Variants in SOX30 observed in about 807,000 individuals in gnomAD.
SOX30 encodes transcription factor SOX-30.
In SOX30, 17 loss-of-function variants were observed where a neutral mutation model predicts 58.6. The ratio of observed to expected loss-of-function variants is 0.29; its 90% CI spans 0.20 to 0.44. The LOEUF is 0.44. Ranked by LOEUF, SOX30 falls within the 20% of genes least tolerant of loss-of-function variation. SOX30 has a pLI of 1.00. For synonymous variants in SOX30, 421 were observed against 400.2 expected (o/e 1.05, Z -0.62); for missense variants, 951 against 965.8 (o/e 0.98, Z 0.20).
At position 157,648,709 on chromosome 5, in the gene SOX30, G is replaced by C; in HGVS notation, c.1155C>G (p.Pro385=). The C allele has an allele frequency of 6.2e-7, 1 of 1,613,662 alleles. No homozygotes were observed. The highest frequency in any genetic ancestry group is 8.5e-7 in the Non-Finnish European group (1 of 1,179,936). ...WNKLSEEQKK[P]YYDEAQKIKE... ...TAATCTTTTGTGCTTCATCGTAATA[G>C]GGTTTCTTTTGTTCTTCACTAAGTT... is the stretch of plus-strand genomic sequence containing the variant. The change falls in exon 2 of 5, where the codon CCC becomes CCG. Residue 385 remains proline, a synonymous_variant. Transcript: ENST00000265007.
upstream of SOX30, among the ~76,000 whole-genome samples, chr5:157,653,448 A>C (rs1759411174): frequency 6.6e-6 from 1 of 152,198 alleles, no homozygotes; most frequent in Non-Finnish European, 1.5e-5. Context: ...GTACTCAATA[A>C]ATACTTGTTG....
At chr5:157,653,352 TTA>T (rs10600313), upstream of SOX30, among the ~76,000 whole-genome samples, 76,984 of 151,924 alleles carry the variant, frequency 0.51, 22,771 homozygotes, top group African/African-American at 0.84. Context: ...CTCTCCCACT[TTA>T]GACTATAAAG....
chr5:157,667,518 G>T (rs1347934284), intron 2 of SOX30, among the ~76,000 whole-genome samples: 1 of 152,116 alleles, frequency 6.6e-6, no homozygotes, highest in African/African-American at 2.4e-5. Context: ...GGAATCACCT[G>T]CGGTCAGGAA....
chr5:157,669,882 C>A lies in SOX30; in HGVS notation c.-4+1448G>T, dbSNP rs1177472815. 3.9e-5 allele frequency among the ~76,000 whole-genome samples: 6 copies of A among 152,196 alleles called. No individual in the cohort carries two copies. The East Asian group carries it at 9.7e-4, about 25-fold the overall frequency. ...GGGGATGGGGGTGGTTCTGAGGCTA[C>A]TAAAGAGAAGAGCCAAAGATTGTAT... On this transcript the variant is annotated intron_variant, in intron 1 of 5. Coordinates refer to the SOX30 transcript ENST00000519442.
intron 2 of SOX30, among the ~76,000 whole-genome samples, chr5:157,648,206 A>G (rs1003775302): frequency 2.6e-5 from 4 of 152,202 alleles, no homozygotes; most frequent in African/African-American, 9.6e-5. Context: ...AAATCTATCA[A>G]TCAGAAGGCA....
chr5:157,632,272 T>C (rs1176252287), intron 4 of SOX30, among the ~76,000 whole-genome samples: 4 of 152,036 alleles, frequency 2.6e-5, no homozygotes, highest in Admixed American at 2.6e-4. Flanking sequence ...CTGCCTTGGG[T>C]TGTTTCTTCA....
At chr5:157,669,125 G>C (rs1302326315) in intron 1 of SOX30, among the ~76,000 whole-genome samples, 1 of 152,204 alleles carries the variant, frequency 6.6e-6, no homozygotes, top group African/African-American at 2.4e-5. Context: ...GCAGAGGCTT[G>C]TGCTTAAATG....
chr5:157,652,240 C>G lies in SOX30; in HGVS notation c.-162G>C. The G allele has an allele frequency of 5.5e-6, 7 of 1,269,770 alleles. No homozygotes were observed. Among genetic ancestry groups the G allele is most frequent in the Non-Finnish European group, 6.9e-6 (7 of 1,012,320 alleles). The allele number at this position is 1,269,770 out of a possible 1,614,324, so 78.7% of individuals were successfully genotyped here. Reference sequence around the variant, plus strand: ...CTGGGCCTCACCCAATCACAACGACCGATACCCGTGGACGGCCAATCACAG... The same window carrying G: ...CTGGGCCTCACCCAATCACAACGACGGATACCCGTGGACGGCCAATCACAG... On this transcript the variant is annotated 5_prime_UTR_variant, in exon 1 of 5. Coordinates refer to ENST00000265007, the MANE Select transcript of SOX30 (RefSeq NM_178424.2).
At chr5:157,650,622 T>TA (rs1428701753) in intron 1 of SOX30, among the ~76,000 whole-genome samples, 2 of 152,220 alleles carry the variant, frequency 1.3e-5, no homozygotes, top group African/African-American at 4.8e-5. Flanking sequence ...TTGAATCACG[T>TA]ATTGTTTTCT....
chr5:157,662,035 T>C (rs1039901934), intron 2 of SOX30, among the ~76,000 whole-genome samples: 15 of 152,216 alleles, frequency 9.9e-5, no homozygotes, highest in Non-Finnish European at 1.6e-4. Context: ...TGTTTTTCAC[T>C]GATATATATC....
chr5:157,627,172 G>A (rs1758677341), intron 4 of SOX30, among the ~76,000 whole-genome samples: 1 of 152,130 alleles, frequency 6.6e-6, no homozygotes, highest in African/African-American at 2.4e-5. Flanking sequence ...GATCATCCTG[G>A]CCAACATAGT....
intron 3 of SOX30, among the ~76,000 whole-genome samples, chr5:157,644,133 G>A (rs192433535): frequency 1.3e-5 from 2 of 151,552 alleles, no homozygotes; most frequent in Middle Eastern, 3.2e-3. Flanking sequence ...AATGTTCTCT[G>A]TTTATCTTTT....
At chr5:157,656,685 A>T (rs1759478629), upstream of SOX30, among the ~76,000 whole-genome samples, 1 of 152,246 alleles carries the variant, frequency 6.6e-6, no homozygotes. Context: ...TTCTACACAT[A>T]AGGTGTGTAA....
chr5:157,639,389 T>C (rs1265249380), intron 3 of SOX30, among the ~76,000 whole-genome samples: 1 of 152,158 alleles, frequency 6.6e-6, no homozygotes, highest in Non-Finnish European at 1.5e-5. Context: ...AAATTATAAA[T>C]GACATTTAAT....
intron 3 of SOX30, among the ~76,000 whole-genome samples, chr5:157,644,360 A>G (rs1016853232): frequency 5.9e-5 from 9 of 152,214 alleles, no homozygotes; most frequent in Non-Finnish European, 1.3e-4. Flanking sequence ...AAACAAAAAA[A>G]TCATTCTTGT....
chr5:157,638,568 A>G lies in SOX30; in HGVS notation c.1542T>C (p.Thr514=). 1 of 1,614,190 alleles carries G rather than the reference A, an allele frequency of 6.2e-7. No individual in the cohort carries two copies. Among genetic ancestry groups the G allele is most frequent in the East Asian group, 2.2e-5 (1 of 44,876 alleles). Reference sequence around the variant, plus strand: ...GATGAGTGTCTGTTTGGGAAGGCCCAGTAAAGCGTTGGGGTGGGAGTGCTG... The same window carrying G: ...GATGAGTGTCTGTTTGGGAAGGCCCGGTAAAGCGTTGGGGTGGGAGTGCTG... The part of the protein sequence containing the change: ...VYPALPPQRF[T]GPSQTDTHQL... The change falls in exon 4 of 5, where the codon ACT becomes ACC. Residue 514 remains threonine (T), a synonymous_variant. Coordinates refer to ENST00000265007, the MANE Select transcript of SOX30 (RefSeq NM_178424.2).
intron 4 of SOX30, among the ~76,000 whole-genome samples, chr5:157,631,758 T>G (rs1175788030): frequency 4.4e-5 from 5 of 113,478 alleles, no homozygotes; most frequent in Non-Finnish European, 8.8e-5. Flanking sequence ...GAGTGGGAAC[T>G]CGTCTCAAAA....
chr5:157,651,992 A>T lies in SOX30; in HGVS notation c.87T>A (p.Phe29Leu). 1 of 1,438,136 alleles carries T rather than the reference A, an allele frequency of 7.0e-7. No homozygotes were observed. The highest frequency in any genetic ancestry group is 9.1e-7 in the Non-Finnish European group (1 of 1,103,862). 89.1% of individuals were successfully genotyped at this position (1,438,136 alleles called of 1,614,324 possible). Residue 29 changes from phenylalanine (F) to leucine (L), a missense_variant, in exon 1 of 5, where the codon TTT becomes TTA. Phe to Leu is a conservative substitution (Grantham distance 22, BLOSUM62 0). Coordinates refer to ENST00000265007, the MANE Select transcript of SOX30 (RefSeq NM_178424.2). ...GAGGGGGCTCCATGGCTGCTGCCCAAAAGGAGGTGCCCTCGACCGGCAGCG... is the reference window on the plus strand; with the variant it reads ...GAGGGGGCTCCATGGCTGCTGCCCATAAGGAGGTGCCCTCGACCGGCAGCG... The part of the protein sequence containing the change: ...PPPLPVEGTS[F>L]WAAAMEPPPS...
At position 157,638,363 on chromosome 5, in the gene SOX30, C is replaced by A. The variant is rs1758981031; in HGVS notation, c.1747G>T (p.Ala583Ser). The change falls in exon 4 of 5, where the codon GCT becomes TCT. Residue 583 changes from alanine (A) to serine (S), a missense_variant. Around this residue, in one of 7 missense-constraint regions of SOX30, gnomAD observed 381 missense variants for 390.0 expected, o/e 0.98. Coordinates refer to ENST00000265007, the MANE Select transcript of SOX30 (RefSeq NM_178424.2). ...PCPRSAPIPQ[A>S]SPIPHPHVYQ... is the part of the protein sequence containing the mutation. ...ACATGTGGGTGTGGAATGGGAGAAG[C>A]CTGGGGGATTGGAGCACTTCTGGGA... The A allele has an allele frequency of 6.2e-7, 1 of 1,613,436 alleles. No individual in the cohort carries two copies. Among genetic ancestry groups the A allele is most frequent in the Non-Finnish European group, 8.5e-7 (1 of 1,179,776 alleles).
Sources: allele counts gnomAD v4.1 joint callset (sites outside exome capture counted in the v4.1 genomes callset), GRCh38; gene constraint gnomAD v4.1.1; regional missense constraint gnomAD v4.1.1; transcripts MANE v1.5; gene names NCBI Gene and HGNC (gene_info 2026-07-23, HGNC 2026-07-21).